Variants in INCENP observed in about 807,000 individuals in gnomAD.
INCENP encodes the protein inner centromere protein.
A neutral mutation model predicts 107.3 loss-of-function variants in INCENP; 43 were observed. That is an observed-to-expected ratio of 0.40 (90% CI 0.31 to 0.52). The LOEUF (loss-of-function observed/expected upper bound fraction) is 0.52. Ranked by LOEUF, INCENP falls within the 20% of genes least tolerant of loss-of-function variation. The probability of loss-of-function intolerance (pLI) is 0.53; values close to 1 mark genes in which losing one functional copy is unlikely to be tolerated. For synonymous variants in INCENP, 488 were observed against 494.4 expected, an observed-to-expected ratio of 0.99 and a Z score of 0.17; for missense variants, 1,089 against 1,250.9, an observed-to-expected ratio of 0.87 and a Z score of 1.95.
At chr11:62,133,975 A>T (rs1217445457) in intron 4 of INCENP, among the ~76,000 whole-genome samples, 1 of 152,154 alleles carries the variant, frequency 6.6e-6, no homozygotes, top group Non-Finnish European at 1.5e-5. Flanking sequence ...ATGGCTCAGG[A>T]TGCGCCAGCT....
chr11:62,128,947 GAGTTTGATTCTGA>G, intron 3 of INCENP, 64 bp downstream of exon 3: 1 of 1,107,984 alleles, frequency 9.0e-7, no homozygotes, highest in Non-Finnish European at 1.4e-6. Flanking sequence ...TGCCATCTGG[GAGTTTGATTCTGA>G]AGGTGTTGAT....
At position 62,145,165 on chromosome 11, in the gene INCENP, G is replaced by A. The variant is rs530781978; in HGVS notation, c.1716-4G>A. On this transcript the variant is annotated splice_region_variant and splice_polypyrimidine_tract_variant and intron_variant, in intron 12 of 18. Coordinates refer to ENST00000394818, the MANE Select transcript of INCENP (RefSeq NM_001040694.2). The stretch of plus-strand genomic sequence containing the variant: ...GCTCCCCATGACTATCCTATGCCCC[G>A]CAGGAAGCGTGAGGAACGCCTCCGC... The A allele has an allele frequency of 3.7e-6, 6 of 1,614,172 alleles. No individual in the cohort carries two copies. Among genetic ancestry groups the A allele is most frequent in the Middle Eastern group, 1.6e-4 (1 of 6,062 alleles).
chr11:62,138,555 A>G (rs978323202), intron 5 of INCENP, among the ~76,000 whole-genome samples, 158 bp from the exon 6 acceptor site: 2 of 152,146 alleles, frequency 1.3e-5, no homozygotes, highest in African/African-American at 4.8e-5. Context: ...GGGAGCTGCC[A>G]TCCTCCTATC....
chr11:62,144,514 A>G (rs544198934), intron 11 of INCENP, among the ~76,000 whole-genome samples: 2 of 152,250 alleles, frequency 1.3e-5, no homozygotes, highest in East Asian at 3.9e-4. Context: ...ATGTATACAT[A>G]TAGTATGGAT....
chr11:62,148,835 G>C lies in INCENP; in HGVS notation c.2380G>C (p.Val794Leu). Residue 794 changes from valine (V) to leucine (L), a missense_variant, in exon 17 of 19, where the codon GTG becomes CTG. Physicochemically the swap from Val to Leu is conservative, Grantham distance 32 (BLOSUM62 1). Coordinates refer to ENST00000394818, the MANE Select transcript of INCENP (RefSeq NM_001040694.2). ...GGCCAGCAAGGCCCTGAATGTGACT[G>C]TGGACGTGCAGGTGCCACCTGGGCC... Reference protein sequence around the residue: ...AGASKALNVTVDVQSPACTSY... With the variant: ...AGASKALNVTLDVQSPACTSY... The C allele has an allele frequency of 6.2e-7, 1 of 1,605,186 alleles. No homozygotes were observed.
intron 1 of INCENP, among the ~76,000 whole-genome samples, chr11:62,126,862 A>G (rs1320801906): frequency 6.6e-6 from 1 of 152,184 alleles, no homozygotes; most frequent in Non-Finnish European, 1.5e-5. Flanking sequence ...ATACTGTATT[A>G]TTAGGGAATA....
In INCENP at chr11:62,150,102, G is replaced by T; in HGVS notation, c.2437G>T (p.Ala813Ser). Residue 813 changes from alanine (A) to serine (S), a missense_variant, in exon 18 of 19, where the codon GCC becomes TCC. Physicochemically the swap from Ala to Ser is moderately conservative, Grantham distance 99. Coordinates refer to ENST00000394818, the MANE Select transcript of INCENP (RefSeq NM_001040694.2). ...SYQMTPQGHR[A>S]PPKINPDNYG... is the part of the protein sequence containing the mutation. ...TCAGATGACTCCGCAAGGGCACAGG[G>T]CCCCTCCCAAGATCAACCCAGATAA... 6.2e-7 allele frequency: 1 copy of T among 1,613,948 alleles called. No homozygotes were observed. Among genetic ancestry groups the T allele is most frequent in the Non-Finnish European group, 8.5e-7 (1 of 1,179,972 alleles).
intron 17 of INCENP, among the ~76,000 whole-genome samples, chr11:62,149,164 C>CCT (rs10608140): frequency 1.0e-4 from 15 of 150,074 alleles, no homozygotes; most frequent in South Asian, 6.3e-4. Context: ...ACACAGATAT[C>CCT]CTCTCTCTCT....
Position 62,152,562 on chromosome 11 carries a change from T to C in INCENP, c.*586T>C. ...GTCACGATGGGGCAGGTGGAGCTCCTTCCTATTTTTTGGGGTGCTCCCTGT... is the reference window on the plus strand; with the variant it reads ...GTCACGATGGGGCAGGTGGAGCTCCCTCCTATTTTTTGGGGTGCTCCCTGT... On this transcript the variant is annotated 3_prime_UTR_variant, in exon 19 of 19. Transcript: ENST00000394818. The C allele has an allele frequency of 6.5e-6, 1 of 153,072 alleles. No homozygotes were observed. The highest frequency in any genetic ancestry group is 2.1e-4 in the South Asian group (1 of 4,848). 9.5% of individuals were successfully genotyped at this position (153,072 alleles called of 1,614,324 possible). A position where few individuals can be genotyped will look rare whatever the true frequency, so the allele number is the denominator to read the frequency against.
Position 62,152,344 on chromosome 11 carries a change from T to C in INCENP, c.*368T>C. 3.8e-6 allele frequency: 1 copy of C among 261,046 alleles called. No individual in the cohort carries two copies. Among genetic ancestry groups the C allele is most frequent in the South Asian group, 4.7e-5 (1 of 21,126 alleles). 16.2% of individuals were successfully genotyped at this position (261,046 alleles called of 1,614,324 possible). On this transcript the variant is annotated 3_prime_UTR_variant, in exon 19 of 19. Coordinates refer to ENST00000394818, the MANE Select transcript of INCENP (RefSeq NM_001040694.2). ...TCCTTCAAGCCTGCTGTTGATACCA[T>C]GAAGACTGGGCGCCTCAGTCCCAGC...
intron 18 of INCENP, among the ~76,000 whole-genome samples, chr11:62,150,747 G>A (rs1944355896): frequency 6.6e-6 from 1 of 152,232 alleles, no homozygotes; most frequent in African/African-American, 2.4e-5. Flanking sequence ...GAGCGTGACT[G>A]CAATGTCTCA....
At chr11:62,137,026 C>T (rs1463617107) in intron 4 of INCENP, among the ~76,000 whole-genome samples, 1 of 152,162 alleles carries the variant, frequency 6.6e-6, no homozygotes, top group Non-Finnish European at 1.5e-5. Context: ...CTCCTCCAGG[C>T]CAGCTCAGGT....
chr11:62,144,495 A>G (rs927959931), intron 11 of INCENP, among the ~76,000 whole-genome samples: 5 of 152,182 alleles, frequency 3.3e-5, no homozygotes, highest in Non-Finnish European at 2.9e-5. Flanking sequence ...GATATACACA[A>G]TAGAATATAT....
intron 7 of INCENP, among the ~76,000 whole-genome samples, chr11:62,139,677 G>C (rs904009789): frequency 1.3e-5 from 2 of 152,202 alleles, no homozygotes; most frequent in African/African-American, 4.8e-5. Context: ...CCTCCATGTT[G>C]ACCCTGCAGC....
chr11:62,129,033 T>G, intron 3 of INCENP, 150 bp downstream of exon 3: 1 of 625,174 alleles, frequency 1.6e-6, no homozygotes. Flanking sequence ...TGGGCCATGC[T>G]GAGAGGGGTT....
rs61893661 is a variant in INCENP at position 62,129,601 on chromosome 11, C to T, written c.255-181C>T. ...CCCCAATTTACAGTTAGGAAGACTG[C>T]GGCTCAGACAAGAATGGCCTGGGGC... On this transcript the variant is annotated intron_variant, in intron 3 of 18. Transcript: ENST00000394818. Among the ~76,000 whole-genome samples the T allele has an allele frequency of 0.025, 3,847 of 152,298 alleles. 64 individuals carry two copies. The highest frequency in any genetic ancestry group is 0.038 in the Non-Finnish European group (2,582 of 68,018).
chr11:62,138,741 G>T lies in INCENP; in HGVS notation c.1144G>T (p.Ala382Ser). 1.2e-6 allele frequency: 2 copies of T among 1,614,124 alleles called. No homozygotes were observed. Among genetic ancestry groups the T allele is most frequent in the Non-Finnish European group, 1.7e-6 (2 of 1,180,014 alleles). Residue 382 changes from alanine (A) to serine (S), a missense_variant, in exon 6 of 19, where the codon GCT becomes TCT. Ala to Ser is a moderately conservative substitution (Grantham distance 99). Transcript: ENST00000394818. ...GSEQKEPPEEAEPVAAAEPEV... is the reference protein window; with the variant it reads ...GSEQKEPPEESEPVAAAEPEV... ...TGAGCAGAAGGAACCCCCCGAGGAGGCTGAGCCTGTGGCGGCAGCTGAGCC... is the reference window on the plus strand; with the variant it reads ...TGAGCAGAAGGAACCCCCCGAGGAGTCTGAGCCTGTGGCGGCAGCTGAGCC...
In INCENP at chr11:62,140,918, A is replaced by G. The variant is rs1028661778; in HGVS notation, c.1467A>G (p.Val489=). ...ACCCTGGTCCTCGTCTGCAGGTGGT[A>G]CGGCCCCTCCGGACCTTTCTGCACA... ...PSSPCPASKV[V]RPLRTFLHTV... is the part of the protein sequence containing the mutation. The change falls in exon 10 of 19, where the codon GTA becomes GTG. Residue 489 remains valine (V), a synonymous_variant. Transcript: ENST00000394818. The G allele has an allele frequency of 6.2e-6, 10 of 1,614,034 alleles. No individual in the cohort carries two copies. The African/African-American group carries it at 1.1e-4, about 17-fold the overall frequency.
chr11:62,133,293 A>G (rs1158722153), intron 4 of INCENP, among the ~76,000 whole-genome samples: 4 of 152,106 alleles, frequency 2.6e-5, no homozygotes, highest in Admixed American at 2.6e-4. Flanking sequence ...CACCTGCACC[A>G]GAGGAATGGA....
Sources: allele counts gnomAD v4.1 joint callset (sites outside exome capture counted in the v4.1 genomes callset), GRCh38; gene constraint gnomAD v4.1.1; transcripts MANE v1.5; gene names NCBI Gene and HGNC (gene_info 2026-07-23, HGNC 2026-07-21).